Variants in HNRNPC observed in about 807,000 individuals in gnomAD.
HNRNPC encodes heterogeneous nuclear ribonucleoprotein C.
In HNRNPC, 3 loss-of-function variants were observed where a neutral mutation model predicts 33.2. The observed-to-expected ratio is 0.09, with a 90% CI of 0.04 to 0.23. The LOEUF is 0.23. HNRNPC is among the 10% of genes least tolerant of loss of function. HNRNPC has a pLI of 1.00. For synonymous variants in HNRNPC, 121 were observed against 126.7 expected, an observed-to-expected ratio of 0.96 and a Z score of 0.30; for missense variants, 143 against 366.7, an observed-to-expected ratio of 0.39 and a Z score of 4.98.
At chr14:21,234,416 G>C (rs1894445315) in intron 2 of HNRNPC, among the ~76,000 whole-genome samples, 187 bp from the exon 3 acceptor site, 2 of 152,026 alleles carry the variant, frequency 1.3e-5, no homozygotes, top group Non-Finnish European at 2.9e-5. Context: ...ATATACTCTA[G>C]AAAGTCAACT....
At chr14:21,234,533 A>T (rs535605611) in intron 2 of HNRNPC, among the ~76,000 whole-genome samples, 12 of 152,322 alleles carry the variant, frequency 7.9e-5, no homozygotes, top group African/African-American at 2.6e-4. Context: ...ACATAATTCC[A>T]AGTGGCCCTC....
intron 1 of HNRNPC, among the ~76,000 whole-genome samples, chr14:21,267,691 A>T (rs982835169): frequency 1.3e-5 from 2 of 152,198 alleles, no homozygotes; most frequent in African/African-American, 2.4e-5. Context: ...ACAGTTTCGG[A>T]TATTAACTCA....
chr14:21,253,811 A>ATT (rs1195603925), intron 2 of HNRNPC, among the ~76,000 whole-genome samples: 1 of 152,134 alleles, frequency 6.6e-6, no homozygotes, highest in African/African-American at 2.4e-5. Flanking sequence ...CAGGCCTGTA[A>ATT]TCCCAGCACT....
rs71112563 is a variant in HNRNPC, at chr14:21,257,382, T to TAA, written c.-37+5927_-37+5928dup. Among the ~76,000 whole-genome samples the TAA allele has an allele frequency of 1.0e-3, 151 of 147,860 alleles. 1 individual carries two copies. The highest frequency in any genetic ancestry group is 3.4e-3 in the African/African-American group (139 of 40,342). On this transcript the variant is annotated intron_variant, in intron 2 of 8. Coordinates refer to ENST00000553300, the MANE Select transcript of HNRNPC (RefSeq NM_004500.4). ...ATGTAACAAAAACCTGGAAGCAAAG[T>TAA]AAAAAAAAAATAAAAACGTTTCAAG...
rs201098827 is a variant in HNRNPC at position 21,234,219 on chromosome 14, A to G, written c.-26T>C. On this transcript the variant is annotated 5_prime_UTR_variant, in exon 3 of 9. Coordinates refer to ENST00000553300, the MANE Select transcript of HNRNPC (RefSeq NM_004500.4). The stretch of plus-strand genomic sequence containing the variant: ...CGTGTTTGATGGTAAGGTTTCTCAC[A>G]AAGCCGAAAACTGTAAAGCAAAAAA... The G allele has an allele frequency of 3.7e-6, 6 of 1,609,842 alleles. No homozygotes were observed. The highest frequency in any genetic ancestry group is 4.2e-6 in the Non-Finnish European group (5 of 1,177,592).
At chr14:21,251,859 G>GT (rs555359563) in intron 2 of HNRNPC, among the ~76,000 whole-genome samples, 99 of 151,798 alleles carry the variant, frequency 6.5e-4, no homozygotes, top group Non-Finnish European at 1.0e-3. Context: ...GTTAAGATCA[G>GT]TTTTTTTTGC....
intron 6 of HNRNPC, among the ~76,000 whole-genome samples, chr14:21,212,232 GCC>G (rs1891691223): frequency 6.6e-6 from 1 of 152,068 alleles, no homozygotes; most frequent in Non-Finnish European, 1.5e-5. Context: ...TCCCACTACA[GCC>G]TAGATCCCCA....
At chr14:21,253,920 T>C (rs944087593) in intron 2 of HNRNPC, among the ~76,000 whole-genome samples, 1 of 151,682 alleles carries the variant, frequency 6.6e-6, no homozygotes, top group African/African-American at 2.4e-5. Context: ...ATTAAAAAAT[T>C]AGCTGGGTGT....
intron 5 of HNRNPC, among the ~76,000 whole-genome samples, chr14:21,228,952 G>A (rs772950076): frequency 4.0e-5 from 6 of 151,620 alleles, no homozygotes; most frequent in Non-Finnish European, 8.8e-5. Flanking sequence ...GGGAGTGGTG[G>A]TGCATGCCTG....
Position 21,231,029 on chromosome 14 carries a change from T to C in HNRNPC, c.285A>G (p.Ala95=). 6.2e-7 allele frequency: 1 copy of C among 1,614,234 alleles called. No homozygotes were observed. ...TCTCCGCTGCAGATCGTTTCACACC[T>C]GCTTTTCCTCGGTTCACTTTTGGCT... is the stretch of plus-strand genomic sequence containing the variant. The part of the protein sequence containing the change: ...AAEPKVNRGK[A]GVKRSAAEMY... Residue 95 remains alanine, a synonymous_variant, in exon 4 of 9, where the codon GCA becomes GCG. Transcript: ENST00000553300.
chr14:21,225,683 C>T (rs1354928754), intron 5 of HNRNPC, among the ~76,000 whole-genome samples: 1 of 152,130 alleles, frequency 6.6e-6, no homozygotes, highest in East Asian at 1.9e-4. Flanking sequence ...AAAAGAATGA[C>T]TGTCCATAAG....
chr14:21,261,730 T>C (rs1446411479), intron 2 of HNRNPC, among the ~76,000 whole-genome samples: 2 of 152,174 alleles, frequency 1.3e-5, no homozygotes, highest in African/African-American at 4.8e-5. Flanking sequence ...ACCCTGTCTC[T>C]ACAAAAAATA....
At chr14:21,230,682 A>G in intron 4 of HNRNPC, 1 of 479,870 alleles carries the variant, frequency 2.1e-6, no homozygotes, top group South Asian at 3.6e-5. Flanking sequence ...CTTACTCTCT[A>G]GTGTCTTAGA....
At chr14:21,260,353 G>A (rs1222178341) in intron 2 of HNRNPC, among the ~76,000 whole-genome samples, 6 of 138,380 alleles carry the variant, frequency 4.3e-5, no homozygotes, top group African/African-American at 1.4e-4. Context: ...GTGACAGAGC[G>A]AGACTCCGTC....
At chr14:21,230,690 A>C (rs370401049) in intron 4 of HNRNPC, 2 of 479,946 alleles carry the variant, frequency 4.2e-6, no homozygotes, top group African/African-American at 3.9e-5. Context: ...CTAGTGTCTT[A>C]GAAGCTCAAC....
At chr14:21,245,110 A>G (rs1895823033) in intron 2 of HNRNPC, among the ~76,000 whole-genome samples, 1 of 150,946 alleles carries the variant, frequency 6.6e-6, no homozygotes, top group South Asian at 2.1e-4. Flanking sequence ...AAAAAAAGCA[A>G]AAGAGAAAAC....
At chr14:21,251,260 CAAAAA>C (rs71419116) in intron 2 of HNRNPC, among the ~76,000 whole-genome samples, 22 of 49,484 alleles carry the variant, frequency 4.4e-4, no homozygotes, top group South Asian at 2.7e-3. Context: ...GACTCCCTCT[CAAAAA>C]AAAAAAAAAA....
chr14:21,268,497 G>A (rs1418221147), intron 1 of HNRNPC: 1 of 152,104 alleles, frequency 6.6e-6, no homozygotes, highest in Non-Finnish European at 1.5e-5. Flanking sequence ...CCATTAACTA[G>A]GTAAAAACCA....
At chr14:21,254,057 T>G (rs1896961375) in intron 2 of HNRNPC, among the ~76,000 whole-genome samples, 1 of 127,522 alleles carries the variant, frequency 7.8e-6, no homozygotes, top group African/African-American at 3.1e-5. Context: ...TGAGATTCCG[T>G]CTCAAAAAAA....
Sources: gnomAD v4.1 joint callset for allele counts (sites outside exome capture counted in the v4.1 genomes callset) on GRCh38, gnomAD v4.1.1 for gene constraint, MANE v1.5 for transcripts, NCBI Gene and HGNC (gene_info 2026-07-23, HGNC 2026-07-21) for gene names.